Variants in SHISA9 observed in about 807,000 individuals in gnomAD.
The protein encoded by SHISA9 is shisa family member 9.
In SHISA9, 13 loss-of-function variants were observed where a neutral mutation model predicts 38.0. The ratio of observed to expected loss-of-function variants is 0.34; its 90% CI spans 0.22 to 0.54. The LOEUF (loss-of-function observed/expected upper bound fraction) is 0.54, where lower values mean the gene tolerates loss of function less well. SHISA9 is among the 20% of genes least tolerant of loss of function. The pLI is 0.91. For missense variants in SHISA9, 538 were observed against 575.8 expected (o/e 0.93, Z 0.67); for synonymous variants, 275 against 242.0 (o/e 1.14, Z -1.27).
chr16:13,077,778 A>T (rs955338433), intron 2 of SHISA9, among the ~76,000 whole-genome samples: 10 of 149,864 alleles, frequency 6.7e-5, no homozygotes, highest in Admixed American at 2.0e-4. Flanking sequence ...CCTGAAAGGA[A>T]GTTGGAGTGC....
At chr16:13,364,068 C>G in the SHISA9 span, among the ~76,000 whole-genome samples, 48 of 152,262 alleles carry the variant, frequency 3.2e-4, no homozygotes, top group African/African-American at 1.2e-3. Flanking sequence ...AACGAGAAAA[C>G]AAAACCAAAA....
chr16:13,362,252 GCAA>G, the SHISA9 span, among the ~76,000 whole-genome samples: 1 of 144,312 alleles, frequency 6.9e-6, no homozygotes, highest in Non-Finnish European at 1.5e-5. Flanking sequence ...AACAACAACA[GCAA>G]CAACAAAAAA....
At chr16:13,204,123 C>A (rs1260145475) in intron 3 of SHISA9, among the ~76,000 whole-genome samples, 2 of 146,930 alleles carry the variant, frequency 1.4e-5, no homozygotes, top group Non-Finnish European at 3.0e-5. Flanking sequence ...TATCTATCAT[C>A]TAACTACCTA....
At chr16:13,148,786 T>G (rs1381256071) in intron 2 of SHISA9, among the ~76,000 whole-genome samples, 1 of 150,966 alleles carries the variant, frequency 6.6e-6, no homozygotes, top group East Asian at 2.0e-4. Flanking sequence ...ATTGAAAAAT[T>G]GCCTGAGGCC....
intron 2 of SHISA9, among the ~76,000 whole-genome samples, chr16:13,051,940 T>C (rs1224260701): frequency 6.6e-6 from 1 of 152,166 alleles, no homozygotes; most frequent in East Asian, 1.9e-4. Flanking sequence ...AATTTTTGTA[T>C]TTTTAGTAGA....
intron 2 of SHISA9, among the ~76,000 whole-genome samples, chr16:13,091,935 G>A (rs556192702): frequency 6.6e-6 from 1 of 152,290 alleles, no homozygotes; most frequent in Admixed American, 6.5e-5. Context: ...CCATCTATGT[G>A]GTTTTACCTA....
At chr16:13,264,630 C>A in the SHISA9 span, among the ~76,000 whole-genome samples, 1 of 152,140 alleles carries the variant, frequency 6.6e-6, no homozygotes, top group Non-Finnish European at 1.5e-5. Flanking sequence ...AACAGAATGT[C>A]TCTCTTGCTT....
chr16:13,052,381 TTATG>T (rs1349670423), intron 2 of SHISA9, among the ~76,000 whole-genome samples: 1 of 152,174 alleles, frequency 6.6e-6, no homozygotes, highest in African/African-American at 2.4e-5. Flanking sequence ...TGATTAAAGA[TTATG>T]TATGAGGGAG....
intron 2 of SHISA9, among the ~76,000 whole-genome samples, chr16:13,131,811 A>C (rs899394518): frequency 2.6e-5 from 4 of 152,122 alleles, no homozygotes; most frequent in African/African-American, 9.7e-5. Context: ...TTTGGGACAG[A>C]GTTCTGGTCC....
At chr16:13,493,711 T>G in the SHISA9 span, among the ~76,000 whole-genome samples, 1 of 147,338 alleles carries the variant, frequency 6.8e-6, no homozygotes, top group East Asian at 2.1e-4. Flanking sequence ...GAGAACTAAG[T>G]GGGAGGAATG....
At position 12,902,833 on chromosome 16, in the gene SHISA9, TTCGTGTGTGTGTGAGC is replaced by T. The variant is rs1393746255; in HGVS notation, c.563+207_563+222del. On this transcript the variant is annotated intron_variant, in intron 1 of 4. Transcript: ENST00000558583. ...CAGCACAGGTGTGGGTCTGAGCGTG[TTCGTGTGTGTGTGAGC>T]GTGTGTGTGTGTGTGTGTGACTCTG... is the stretch of plus-strand genomic sequence containing the variant. 3.2e-4 allele frequency: 187 copies of T among 592,284 alleles called. 1 individual carries two copies. In the African/African-American group the frequency reaches 3.2e-3, roughly 10 times the overall value. 36.7% of individuals were successfully genotyped at this position (592,284 alleles called of 1,614,324 possible).
the SHISA9 span, among the ~76,000 whole-genome samples, chr16:13,280,235 T>A: frequency 6.6e-6 from 1 of 151,024 alleles, no homozygotes; most frequent in African/African-American, 2.4e-5. Context: ...CCTTGATTTC[T>A]ATTCCATTAA....
the SHISA9 span, among the ~76,000 whole-genome samples, chr16:13,322,839 G>A: frequency 3.3e-5 from 5 of 152,256 alleles, no homozygotes; most frequent in South Asian, 4.2e-4. Context: ...AACCTGGCCC[G>A]TAAAGTTGTT....
chr16:13,203,574 TTC>T (rs1340857220), intron 3 of SHISA9, 25 bp downstream of exon 3: 4 of 1,462,870 alleles, frequency 2.7e-6, no homozygotes, highest in African/African-American at 2.8e-5. Flanking sequence ...ATGGATCTTT[TTC>T]TCTTTCTCCT....
chr16:12,905,402 A>C (rs972405791), intron 1 of SHISA9, among the ~76,000 whole-genome samples: 1 of 152,044 alleles, frequency 6.6e-6, no homozygotes, highest in African/African-American at 2.4e-5. Flanking sequence ...GAGATTGTGA[A>C]TCAATAGGTT....
intron 2 of SHISA9, among the ~76,000 whole-genome samples, chr16:12,926,688 T>C (rs186459869): frequency 1.8e-4 from 27 of 152,176 alleles, no homozygotes; most frequent in East Asian, 1.5e-3. Context: ...CCTGGTAACA[T>C]TGGGGCTAGA....
chr16:13,064,784 C>CAAAAAAAA (rs72435637), intron 2 of SHISA9, among the ~76,000 whole-genome samples: 74 of 81,972 alleles, frequency 9.0e-4, no homozygotes, highest in Non-Finnish European at 1.6e-3. Context: ...AGTTGTAAGG[C>CAAAAAAAA]AAAAAAAAAA....
At chr16:13,470,469 A>G in the SHISA9 span, among the ~76,000 whole-genome samples, 1 of 152,214 alleles carries the variant, frequency 6.6e-6, no homozygotes. Flanking sequence ...ATCATGGTGG[A>G]AGGCAAAGGA....
At chr16:12,998,761 T>G (rs2072489494) in intron 2 of SHISA9, among the ~76,000 whole-genome samples, 1 of 152,188 alleles carries the variant, frequency 6.6e-6, no homozygotes, top group South Asian at 2.1e-4. Context: ...AGGCTGAAAA[T>G]AACTTATTTT....
Sources: gnomAD v4.1 joint callset for allele counts (sites outside exome capture counted in the v4.1 genomes callset) on GRCh38, gnomAD v4.1.1 for gene constraint, MANE v1.5 for transcripts, NCBI Gene and HGNC (gene_info 2026-07-23, HGNC 2026-07-21) for gene names.